Variants in SLC30A8 observed in about 807,000 individuals in gnomAD.
The protein encoded by SLC30A8 is solute carrier family 30 member 8, also known as proton-coupled zinc antiporter SLC30A8.
SLC30A8 carries 27 observed loss-of-function variants against 36.9 expected under a neutral mutation model. That is an observed-to-expected ratio of 0.73 (90% CI 0.54 to 1.01). The LOEUF is 1.01. Ranked by LOEUF, SLC30A8 falls within the 50% of genes least tolerant of loss-of-function variation. SLC30A8 has a pLI of 0.00. For synonymous variants in SLC30A8, 164 were observed against 172.4 expected, an observed-to-expected ratio of 0.95 and a Z score of 0.38; for missense variants, 439 against 452.0, an observed-to-expected ratio of 0.97 and a Z score of 0.26.
chr8:117,036,549 A>G (rs1401837507), intron 1 of SLC30A8, among the ~76,000 whole-genome samples: 2 of 152,146 alleles, frequency 1.3e-5, no homozygotes, highest in South Asian at 2.1e-4. Flanking sequence ...GAGGTCTTAC[A>G]TGGCTGGGAA....
At chr8:117,005,569 T>G (rs536516790) in intron 1 of SLC30A8, among the ~76,000 whole-genome samples, 4 of 152,354 alleles carry the variant, frequency 2.6e-5, no homozygotes, top group Admixed American at 2.0e-4. Flanking sequence ...ATATCTGTTT[T>G]AAATTCTTTT....
intron 2 of SLC30A8, 25 bp from the exon 3 acceptor site, chr8:117,152,919 C>T (rs1822262050): frequency 5.9e-6 from 9 of 1,516,996 alleles, no homozygotes; most frequent in Non-Finnish European, 8.0e-6. Flanking sequence ...GACCTTAACA[C>T]AGTGTACTAT....
intron 2 of SLC30A8, among the ~76,000 whole-genome samples, chr8:117,121,310 T>G (rs567815983): frequency 6.6e-6 from 1 of 152,020 alleles, no homozygotes; most frequent in Non-Finnish European, 1.5e-5. Context: ...TTATTCAATC[T>G]TAAAAAGGAA....
intron 1 of SLC30A8, among the ~76,000 whole-genome samples, chr8:116,971,315 CAA>C (rs1197315052): frequency 6.9e-6 from 1 of 145,856 alleles, no homozygotes. Context: ...AAAAAAAAAA[CAA>C]AAACACATCA....
chr8:116,987,454 G>A (rs572645366), intron 1 of SLC30A8, among the ~76,000 whole-genome samples: 6 of 152,084 alleles, frequency 3.9e-5, no homozygotes, highest in African/African-American at 7.2e-5. Context: ...AAATGCACAC[G>A]TAAAAATAAA....
intron 1 of SLC30A8, among the ~76,000 whole-genome samples, chr8:116,970,970 C>A (rs981058535): frequency 2.0e-5 from 3 of 152,086 alleles, no homozygotes; most frequent in Non-Finnish European, 4.4e-5. Flanking sequence ...TGGTGCATGC[C>A]TGTAATCCCA....
intron 2 of SLC30A8, among the ~76,000 whole-genome samples, chr8:117,087,323 AT>A (rs1042780734): frequency 6.6e-6 from 1 of 152,204 alleles, no homozygotes. Context: ...ATAGTTAGGT[AT>A]TTAATTAGCT....
intron 1 of SLC30A8, among the ~76,000 whole-genome samples, chr8:117,027,780 C>G (rs57936995): frequency 0.01 from 1,542 of 152,178 alleles, 22 homozygotes; most frequent in African/African-American, 0.034. Flanking sequence ...TTTTTATATT[C>G]ACCTGCCACC....
intron 2 of SLC30A8, among the ~76,000 whole-genome samples, chr8:117,054,523 A>G (rs1817808186): frequency 6.6e-6 from 1 of 152,180 alleles, no homozygotes; most frequent in South Asian, 2.1e-4. Flanking sequence ...GTCACCATCA[A>G]TGTGCAAACA....
intron 2 of SLC30A8, among the ~76,000 whole-genome samples, chr8:117,081,613 C>T (rs953380045): frequency 6.6e-6 from 1 of 152,116 alleles, no homozygotes; most frequent in Non-Finnish European, 1.5e-5. Context: ...TATAGTGGGG[C>T]TCTGGTGACC....
chr8:116,998,532 G>T (rs1189706493), intron 1 of SLC30A8, among the ~76,000 whole-genome samples: 1 of 152,192 alleles, frequency 6.6e-6, no homozygotes, highest in Non-Finnish European at 1.5e-5. Context: ...CCTGCAGTGG[G>T]TTGAAGAGCG....
intron 1 of SLC30A8, among the ~76,000 whole-genome samples, chr8:117,035,294 A>G (rs1817177467): frequency 6.6e-6 from 1 of 152,250 alleles, no homozygotes; most frequent in Non-Finnish European, 1.5e-5. Context: ...CAGTAAGGGT[A>G]CAGGTATTGT....
At chr8:117,104,784 A>G (rs1465699803) in intron 2 of SLC30A8, among the ~76,000 whole-genome samples, 1 of 152,120 alleles carries the variant, frequency 6.6e-6, no homozygotes, top group Non-Finnish European at 1.5e-5. Context: ...TTGGTTGGCT[A>G]TTTTTATGGT....
At chr8:117,064,037 G>A (rs971342382) in intron 2 of SLC30A8, among the ~76,000 whole-genome samples, 1 of 151,108 alleles carries the variant, frequency 6.6e-6, no homozygotes, top group Non-Finnish European at 1.5e-5. Context: ...CGCTCTTGTT[G>A]CCCAGGTTGG....
chr8:117,118,300 CT>C (rs1178474830), intron 2 of SLC30A8, among the ~76,000 whole-genome samples: 4 of 151,940 alleles, frequency 2.6e-5, no homozygotes, highest in African/African-American at 7.2e-5. Context: ...CACAAGTTGT[CT>C]TTCTAATTTC....
chr8:117,011,072 C>T (rs562795458), intron 1 of SLC30A8, among the ~76,000 whole-genome samples: 5 of 152,256 alleles, frequency 3.3e-5, no homozygotes, highest in South Asian at 4.1e-4. Flanking sequence ...TATTCTACTA[C>T]GCTAAACTCT....
intron 1 of SLC30A8, among the ~76,000 whole-genome samples, chr8:116,992,773 A>G (rs1398033680): frequency 1.3e-5 from 2 of 152,330 alleles, no homozygotes; most frequent in East Asian, 3.9e-4. Context: ...ATGGTAATGA[A>G]CATATCTAAG....
At chr8:116,970,275 G>A (rs982628271) in intron 1 of SLC30A8, among the ~76,000 whole-genome samples, 11 of 152,120 alleles carry the variant, frequency 7.2e-5, no homozygotes, top group Non-Finnish European at 1.2e-4. Flanking sequence ...GACTTTAGGG[G>A]CAATAACACA....
At chr8:117,087,397 T>A (rs181549607) in intron 2 of SLC30A8, among the ~76,000 whole-genome samples, 1 of 152,202 alleles carries the variant, frequency 6.6e-6, no homozygotes, top group Non-Finnish European at 1.5e-5. Context: ...TCTTGGGATA[T>A]GTTTTCCTCT....
Sources: allele counts gnomAD v4.1 joint callset (sites outside exome capture counted in the v4.1 genomes callset), GRCh38; gene constraint gnomAD v4.1.1; transcripts MANE v1.5; gene names NCBI Gene and HGNC (gene_info 2026-07-23, HGNC 2026-07-21).